MEGF10: variants seen among roughly 807,000 people sequenced by gnomAD.
MEGF10 encodes the protein multiple epidermal growth factor-like domains protein 10.
In MEGF10, 86 loss-of-function variants were observed where a neutral mutation model predicts 147.5. The observed-to-expected ratio is 0.58, with a 90% CI of 0.49 to 0.70. The LOEUF (loss-of-function observed/expected upper bound fraction) is 0.70, where lower values mean the gene tolerates loss of function less well. Among genes scored for constraint, MEGF10 ranks in the 30% least tolerant of loss-of-function variants. The probability of loss-of-function intolerance (pLI) is 0.00; values close to 1 mark genes in which losing one functional copy is unlikely to be tolerated. For synonymous variants in MEGF10, 478 were observed against 525.5 expected (o/e 0.91, Z 1.24); for missense variants, 1,329 against 1,487.3 (o/e 0.89, Z 1.75).
At chr5:127,270,324 T>C in the MEGF10 span, among the ~76,000 whole-genome samples, 2 of 152,154 alleles carry the variant, frequency 1.3e-5, no homozygotes, top group Non-Finnish European at 2.9e-5. Flanking sequence ...CAGTGTGCTG[T>C]ATTCAGGAGA....
intron 22 of MEGF10, among the ~76,000 whole-genome samples, chr5:127,450,626 C>T (rs1311714120): frequency 6.6e-6 from 1 of 152,094 alleles, no homozygotes; most frequent in African/African-American, 2.4e-5. Context: ...ATAAGCAACA[C>T]ATTTTTTTGT....
At position 127,438,535 on chromosome 5, in the gene MEGF10, C is replaced by T. The variant is rs200026364; in HGVS notation, c.2201C>T (p.Thr734Ile). 6.2e-7 allele frequency: 1 copy of T among 1,614,120 alleles called. No individual in the cohort carries two copies. Among genetic ancestry groups the T allele is most frequent in the Non-Finnish European group, 8.5e-7 (1 of 1,179,982 alleles). ...GCCTACGATGGGGAATGTAAATGCA[C>T]TCCTGGCTGGACAGGGCTCTACTGC... Reference protein sequence around the residue: ...CSAYDGECKCTPGWTGLYCTQ... With the variant: ...CSAYDGECKCIPGWTGLYCTQ... The change falls in exon 17 of 25, where the codon ACT becomes ATT. Residue 734 changes from threonine (T) to isoleucine (I), a missense_variant. Physicochemically the swap from Thr to Ile is moderately conservative, Grantham distance 89. Transcript: ENST00000503335.
At chr5:127,247,431 GAAGAAGAAGAAGAAGAAGAA>G in the MEGF10 span, among the ~76,000 whole-genome samples, 1 of 100,468 alleles carries the variant, frequency 1.0e-5, no homozygotes, top group African/African-American at 5.1e-5. Flanking sequence ...AGAAGAAGAA[GAAGAAGAAGAAGAAGAAGAA>G]GAAGAAGAAG....
chr5:127,257,800 A>T, the MEGF10 span, among the ~76,000 whole-genome samples: 5 of 152,212 alleles, frequency 3.3e-5, no homozygotes, highest in Non-Finnish European at 7.3e-5. Flanking sequence ...TTGGAGACAA[A>T]AAAATGTATA....
At chr5:127,455,022 A>C (rs954297044) in intron 23 of MEGF10, among the ~76,000 whole-genome samples, 2 of 152,202 alleles carry the variant, frequency 1.3e-5, no homozygotes, top group African/African-American at 2.4e-5. Context: ...GAGTCCTCCC[A>C]GCACAAATGC....
At chr5:127,401,766 C>A (rs1764142104) in intron 7 of MEGF10, among the ~76,000 whole-genome samples, 1 of 152,136 alleles carries the variant, frequency 6.6e-6, no homozygotes, top group African/African-American at 2.4e-5. Context: ...CTTATTGGTA[C>A]AGTATCTTAT....
intron 5 of MEGF10, among the ~76,000 whole-genome samples, chr5:127,385,257 T>C (rs921936958): frequency 5.3e-5 from 8 of 152,262 alleles, no homozygotes; most frequent in Admixed American, 2.0e-4. Context: ...TATTGTCAAG[T>C]CAGTATACTG....
At chr5:127,407,001 G>A (rs1382948404) in intron 8 of MEGF10, among the ~76,000 whole-genome samples, 1 of 152,170 alleles carries the variant, frequency 6.6e-6, no homozygotes, top group Non-Finnish European at 1.5e-5. Flanking sequence ...TTAAGGTGAA[G>A]TCCAAAACAG....
At chr5:127,406,255 A>G (rs1388423092) in intron 8 of MEGF10, among the ~76,000 whole-genome samples, 1 of 152,214 alleles carries the variant, frequency 6.6e-6, no homozygotes, top group South Asian at 2.1e-4. Flanking sequence ...TAATTTTCAG[A>G]TGAATTTTAC....
chr5:127,266,505 C>T, the MEGF10 span, among the ~76,000 whole-genome samples: 2 of 152,078 alleles, frequency 1.3e-5, no homozygotes, highest in African/African-American at 2.4e-5. Flanking sequence ...TATAAATTAC[C>T]TTGAGCAGTA....
chr5:127,247,238 A>G, the MEGF10 span, among the ~76,000 whole-genome samples: 904 of 145,830 alleles, frequency 6.2e-3, 11 homozygotes, highest in African/African-American at 0.021. Flanking sequence ...AAAAAAACTC[A>G]CAGAAAGTAT....
chr5:127,370,578 A>G (rs753967661), intron 5 of MEGF10, among the ~76,000 whole-genome samples: 2 of 152,226 alleles, frequency 1.3e-5, no homozygotes, highest in African/African-American at 2.4e-5. Flanking sequence ...AATTCCTAAC[A>G]TAGTATATAA....
chr5:127,420,338 T>A (rs1409000846), intron 12 of MEGF10, 131 bp downstream of exon 12: 1 of 975,494 alleles, frequency 1.0e-6, no homozygotes, highest in East Asian at 2.7e-5. Context: ...ACTGGAAGAA[T>A]CCAGGTATTT....
At chr5:127,232,777 A>G in the MEGF10 span, among the ~76,000 whole-genome samples, 1 of 152,132 alleles carries the variant, frequency 6.6e-6, no homozygotes, top group Non-Finnish European at 1.5e-5. Context: ...GAATACAAGC[A>G]TTAAATTGCC....
chr5:127,402,182 T>C (rs2126933861), intron 7 of MEGF10, among the ~76,000 whole-genome samples: 1 of 152,344 alleles, frequency 6.6e-6, no homozygotes, highest in South Asian at 2.1e-4. Flanking sequence ...TGTTGACTTA[T>C]TGTGCATGTA....
At chr5:127,384,913 G>A (rs1350306659) in intron 5 of MEGF10, among the ~76,000 whole-genome samples, 1 of 152,184 alleles carries the variant, frequency 6.6e-6, no homozygotes. Flanking sequence ...TTAACAAAGG[G>A]AATGACACAC....
chr5:127,441,441 A>C (rs1291170719), intron 18 of MEGF10, among the ~76,000 whole-genome samples: 1 of 152,196 alleles, frequency 6.6e-6, no homozygotes. Context: ...TTTAAGTCCC[A>C]CTGGGGGAGA....
At chr5:127,321,286 A>G (rs922318842) in intron 1 of MEGF10, among the ~76,000 whole-genome samples, 1 of 152,088 alleles carries the variant, frequency 6.6e-6, no homozygotes, top group Non-Finnish European at 1.5e-5. Context: ...CTGTTCTACT[A>G]TTTCTTACAC....
At chr5:127,238,930 G>T in the MEGF10 span, among the ~76,000 whole-genome samples, 1 of 152,224 alleles carries the variant, frequency 6.6e-6, no homozygotes, top group Admixed American at 6.5e-5. Context: ...AAAAGTGAAA[G>T]AATCATCATC....
Sources: allele counts gnomAD v4.1 joint callset (sites outside exome capture counted in the v4.1 genomes callset), GRCh38; gene constraint gnomAD v4.1.1; transcripts MANE v1.5; gene names NCBI Gene and HGNC (gene_info 2026-07-23, HGNC 2026-07-21).